Variants in AGBL4 observed in about 807,000 individuals in gnomAD.
The protein encoded by AGBL4 is AGBL carboxypeptidase 4.
A neutral mutation model predicts 66.4 loss-of-function variants in AGBL4; 58 were observed. That is an observed-to-expected ratio of 0.87 (90% confidence interval 0.71 to 1.09). AGBL4 has a LOEUF of 1.09. Among genes scored for constraint, AGBL4 ranks in the 50% least tolerant of loss-of-function variants. AGBL4 has a pLI of 0.00. For missense variants in AGBL4, 579 were observed against 631.0 expected (o/e 0.92, Z 0.88); for synonymous variants, 234 against 222.9 (o/e 1.05, Z -0.44).
chr1:49,420,505 C>T (rs1421421993), intron 3 of AGBL4, among the ~76,000 whole-genome samples: 1 of 152,004 alleles, frequency 6.6e-6, no homozygotes, highest in African/African-American at 2.4e-5. Flanking sequence ...TTGAGACCAT[C>T]CTGGCAAACA....
chr1:48,890,167 T>C (rs1650800659), intron 5 of AGBL4, among the ~76,000 whole-genome samples: 1 of 152,034 alleles, frequency 6.6e-6, no homozygotes, highest in East Asian at 1.9e-4. Flanking sequence ...CTTGGCCTCC[T>C]TTCACCCTGT....
At chr1:48,903,625 C>A (rs1479418542) in intron 5 of AGBL4, among the ~76,000 whole-genome samples, 1 of 152,214 alleles carries the variant, frequency 6.6e-6, no homozygotes, top group Non-Finnish European at 1.5e-5. Flanking sequence ...GCACTGGACA[C>A]TCCTTGTCTT....
chr1:49,232,366 A>G (rs1173937470), intron 4 of AGBL4, among the ~76,000 whole-genome samples: 2 of 152,102 alleles, frequency 1.3e-5, no homozygotes, highest in Admixed American at 1.3e-4. Flanking sequence ...TAATCTGAGT[A>G]ACTTTGGACT....
intron 1 of AGBL4, among the ~76,000 whole-genome samples, chr1:49,867,744 A>G (rs1408121831): frequency 6.6e-6 from 1 of 152,144 alleles, no homozygotes; most frequent in African/African-American, 2.4e-5. Flanking sequence ...GAAAGAAAAT[A>G]CCATTACCAG....
intron 8 of AGBL4, among the ~76,000 whole-genome samples, chr1:48,652,454 G>A (rs889655996): frequency 6.6e-6 from 1 of 152,264 alleles, no homozygotes; most frequent in Admixed American, 6.5e-5. Context: ...CCTCAACGCA[G>A]CTGCAGCACC....
At chr1:49,413,088 A>C (rs1238091711) in intron 3 of AGBL4, among the ~76,000 whole-genome samples, 1 of 152,162 alleles carries the variant, frequency 6.6e-6, no homozygotes, top group African/African-American at 2.4e-5. Flanking sequence ...AAGTAAAAGC[A>C]ACTCTCAATA....
chr1:49,631,150 C>G (rs912176491), intron 3 of AGBL4, among the ~76,000 whole-genome samples: 2 of 152,190 alleles, frequency 1.3e-5, no homozygotes, highest in Non-Finnish European at 2.9e-5. Context: ...ATCCAAATGT[C>G]CCTGTCCCAT....
intron 5 of AGBL4, among the ~76,000 whole-genome samples, chr1:48,964,760 C>G (rs1357693661): frequency 6.6e-6 from 1 of 152,152 alleles, no homozygotes; most frequent in East Asian, 1.9e-4. Context: ...TACATACATA[C>G]AATCACAAAT....
chr1:48,587,800 G>A (rs1557809237), intron 10 of AGBL4, among the ~76,000 whole-genome samples: 1 of 151,196 alleles, frequency 6.6e-6, no homozygotes, highest in South Asian at 2.1e-4. Flanking sequence ...CCACCACCAC[G>A]ACTGGCTAAT....
At chr1:49,009,558 T>G (rs1433864489) in intron 5 of AGBL4, among the ~76,000 whole-genome samples, 34 of 152,060 alleles carry the variant, frequency 2.2e-4, no homozygotes, top group African/African-American at 6.3e-4. Flanking sequence ...TACCAAAGCC[T>G]GGCAGAGACA....
At chr1:49,574,428 TG>T (rs1431452494) in intron 3 of AGBL4, among the ~76,000 whole-genome samples, 2 of 152,152 alleles carry the variant, frequency 1.3e-5, no homozygotes, top group African/African-American at 4.8e-5. Flanking sequence ...TGATCTCCCT[TG>T]GTTTAACATA....
At chr1:49,188,429 A>G (rs1647054890) in intron 4 of AGBL4, among the ~76,000 whole-genome samples, 1 of 152,160 alleles carries the variant, frequency 6.6e-6, no homozygotes, top group South Asian at 2.1e-4. Context: ...TTAATTAAAC[A>G]AATAATATGT....
At chr1:49,338,417 A>G (rs538042827) in intron 3 of AGBL4, among the ~76,000 whole-genome samples, 10 of 152,318 alleles carry the variant, frequency 6.6e-5, no homozygotes, top group African/African-American at 2.4e-4. Context: ...CTTCATCGTC[A>G]TAAGATCTAT....
chr1:49,940,414 C>A (rs1371197299), intron 1 of AGBL4, among the ~76,000 whole-genome samples: 1 of 152,168 alleles, frequency 6.6e-6, no homozygotes, highest in African/African-American at 2.4e-5. Flanking sequence ...ATGTTTATTG[C>A]GGCATTATTC....
In AGBL4 at chr1:50,012,136, G is replaced by C. The variant is rs149074533; in HGVS notation, c.34+11627C>G. Among the ~76,000 whole-genome samples, 276 of 150,164 alleles carry C rather than the reference G, an allele frequency of 1.8e-3. 2 individuals are homozygous for C. The highest frequency in any genetic ancestry group is 6.4e-3 in the African/African-American group (262 of 40,834). ...ATTGCGCCACTGCAGTCCGCAATCC[G>C]GCCTGGGCGACAGAGCGAGACTCCG... On this transcript the variant is annotated intron_variant, in intron 1 of 13. Coordinates refer to ENST00000371839, the MANE Select transcript of AGBL4 (RefSeq NM_032785.4).
chr1:49,014,865 G>A (rs1229827760), intron 5 of AGBL4, among the ~76,000 whole-genome samples: 1 of 152,210 alleles, frequency 6.6e-6, no homozygotes, highest in Non-Finnish European at 1.5e-5. Context: ...ATGTTGGGAT[G>A]ACAGGTATAA....
intron 11 of AGBL4, among the ~76,000 whole-genome samples, chr1:48,576,231 T>A (rs1046702131): frequency 6.6e-6 from 1 of 152,200 alleles, no homozygotes; most frequent in Non-Finnish European, 1.5e-5. Context: ...CAAACCCTAT[T>A]GTGAACTATG....
At chr1:49,584,466 G>A (rs563234757) in intron 3 of AGBL4, among the ~76,000 whole-genome samples, 5 of 152,108 alleles carry the variant, frequency 3.3e-5, no homozygotes, top group Admixed American at 1.3e-4. Flanking sequence ...GGTATTACAC[G>A]TCATCTTGGA....
At chr1:48,693,999 G>A (rs747560744) in intron 6 of AGBL4, among the ~76,000 whole-genome samples, 3 of 140,476 alleles carry the variant, frequency 2.1e-5, no homozygotes, top group Admixed American at 7.8e-5. Context: ...CCCTTCTTAC[G>A]TTCCGCCTTT....
Sources: gnomAD v4.1 joint callset for allele counts (sites outside exome capture counted in the v4.1 genomes callset) on GRCh38, gnomAD v4.1.1 for gene constraint, MANE v1.5 for transcripts, NCBI Gene and HGNC (gene_info 2026-07-23, HGNC 2026-07-21) for gene names.